The following MAML2 variants were observed in gnomAD, a reference collection of about 807,000 sequenced individuals.
MAML2 encodes mastermind-like protein 2.
Under a neutral mutation model 96.1 loss-of-function variants are expected in MAML2, and 22 were observed. That is an observed-to-expected ratio of 0.23 (90% CI 0.16 to 0.33). The LOEUF (loss-of-function observed/expected upper bound fraction) is 0.33, where lower values mean the gene tolerates loss of function less well. Among genes scored for constraint, MAML2 ranks in the 10% least tolerant of loss-of-function variants. The pLI is 1.00. For synonymous variants in MAML2, 561 were observed against 521.3 expected (o/e 1.08, Z -1.04); for missense variants, 1,367 against 1,392.4 (o/e 0.98, Z 0.29).
At chr11:96,171,783 A>G (rs951411980) in intron 1 of MAML2, among the ~76,000 whole-genome samples, 5 of 152,256 alleles carry the variant, frequency 3.3e-5, no homozygotes, top group African/African-American at 1.2e-4. Flanking sequence ...GCAACCCAGG[A>G]AGCAAGCAAG....
In MAML2 at chr11:96,152,078, C is replaced by G. The variant is rs187559903; in HGVS notation, c.514-58561G>C. 3.2e-3 allele frequency among the ~76,000 whole-genome samples: 481 copies of G among 152,154 alleles called. 2 individuals are homozygous for G. Among genetic ancestry groups the G allele is most frequent in the Middle Eastern group, 0.01 (3 of 294 alleles). On this transcript the variant is annotated intron_variant, in intron 1 of 4. Coordinates refer to ENST00000524717, the MANE Select transcript of MAML2 (RefSeq NM_032427.4). ...TCTCTACTATTAATAAAAATATTAGCCAGATATGGTGGTGTGCACCTATAG... is the reference window on the plus strand; with the variant it reads ...TCTCTACTATTAATAAAAATATTAGGCAGATATGGTGGTGTGCACCTATAG...
chr11:96,256,488 A>G (rs941632818), intron 1 of MAML2, among the ~76,000 whole-genome samples: 4 of 152,196 alleles, frequency 2.6e-5, no homozygotes, highest in Non-Finnish European at 4.4e-5. Context: ...CTCAGCTTAA[A>G]TACTGAGATA....
chr11:95,989,353 C>G (rs1270991402), intron 3 of MAML2, among the ~76,000 whole-genome samples: 1 of 152,238 alleles, frequency 6.6e-6, no homozygotes, highest in Non-Finnish European at 1.5e-5. Flanking sequence ...ACAGCAGCCT[C>G]ATTCTCATTC....
intron 1 of MAML2, among the ~76,000 whole-genome samples, chr11:96,323,483 G>GAAAA (rs57745850): frequency 0.011 from 1,582 of 144,716 alleles, 23 homozygotes; most frequent in African/African-American, 0.038. Flanking sequence ...ACAAAATGCT[G>GAAAA]AAAAAAAAAA....
chr11:96,123,219 C>T (rs1860380045), intron 1 of MAML2, among the ~76,000 whole-genome samples: 1 of 152,174 alleles, frequency 6.6e-6, no homozygotes, highest in Admixed American at 6.5e-5. Context: ...CTAAGCAGCC[C>T]CGTAAAGGCA....
intron 1 of MAML2, among the ~76,000 whole-genome samples, chr11:96,263,789 T>A (rs1210962212): frequency 6.6e-6 from 1 of 152,210 alleles, no homozygotes; most frequent in Non-Finnish European, 1.5e-5. Flanking sequence ...GTGGTTGGTA[T>A]CATTAAAAGA....
rs1338956569 is a variant in MAML2, at chr11:96,342,629, A to G, written c.-734T>C. The stretch of plus-strand genomic sequence containing the variant: ...GATGTTGTCTTCTCCCAAAAGAGGG[A>G]GACAGCTTTTCAACTGTTAACAATG... On this transcript the variant is annotated 5_prime_UTR_variant, in exon 1 of 5. Coordinates refer to ENST00000524717, the MANE Select transcript of MAML2 (RefSeq NM_032427.4). 5.1e-6 allele frequency: 2 copies of G among 388,934 alleles called. No homozygotes were observed. Among genetic ancestry groups the G allele is most frequent in the African/African-American group, 4.1e-5 (2 of 48,392 alleles). The allele number at this position is 388,934 out of a possible 1,614,324, so 24.1% of individuals were successfully genotyped here. A position where few individuals can be genotyped will look rare whatever the true frequency, so the allele number is the denominator to read the frequency against.
At chr11:96,121,417 G>T (rs377099088) in intron 1 of MAML2, among the ~76,000 whole-genome samples, 1 of 152,174 alleles carries the variant, frequency 6.6e-6, no homozygotes, top group South Asian at 2.1e-4. Flanking sequence ...AGGAAGGAAA[G>T]AATTGGATTT....
chr11:95,991,326 C>T (rs1389378010), intron 3 of MAML2, among the ~76,000 whole-genome samples, 194 bp downstream of exon 3: 1 of 131,698 alleles, frequency 7.6e-6, no homozygotes, highest in Non-Finnish European at 1.6e-5. Context: ...TCCAAGTGTC[C>T]AGCAGTTGTT....
Position 96,068,439 on chromosome 11 carries a change from C to CACACACACACACACACACAT in MAML2, c.2139+23452_2139+23453insATGTGTGTGTGTGTGTGTGT, listed in dbSNP as rs1859279534. On this transcript the variant is annotated intron_variant, in intron 2 of 4. Transcript: ENST00000524717. ...TAGAATTTCCTGGGGGAGCTTACTT[C>CACACACACACACACACACAT]ACACACACACACACACACACACACA... Among the ~76,000 whole-genome samples the CACACACACACACACACACAT allele has an allele frequency of 2.1e-3, 3 of 1,420 alleles. No individual in the cohort carries two copies. In the South Asian group the frequency reaches 0.06, roughly 28 times the overall value. 0.9% of individuals were successfully genotyped at this position (1,420 alleles called of 152,430 possible). A position where few individuals can be genotyped will look rare whatever the true frequency, so the allele number is the denominator to read the frequency against.
intron 2 of MAML2, among the ~76,000 whole-genome samples, chr11:96,016,981 G>A (rs1858363708): frequency 6.6e-6 from 1 of 152,108 alleles, no homozygotes; most frequent in Non-Finnish European, 1.5e-5. Flanking sequence ...AAATTTCTGA[G>A]AATAATACTG....
chr11:96,342,081 G>A lies in MAML2; in HGVS notation c.-186C>T. 1.7e-6 allele frequency: 1 copy of A among 583,934 alleles called. No homozygotes were observed. The highest frequency in any genetic ancestry group is 3.0e-6 in the Non-Finnish European group (1 of 337,628). 36.2% of individuals were successfully genotyped at this position (583,934 alleles called of 1,614,324 possible). A position where few individuals can be genotyped will look rare whatever the true frequency, so the allele number is the denominator to read the frequency against. Reference sequence around the variant, plus strand: ...GGGGAGGGGAGTTAGTAAAAAGAGGGTGGGGAGAAAGAATAGAAACCAACT... The same window carrying A: ...GGGGAGGGGAGTTAGTAAAAAGAGGATGGGGAGAAAGAATAGAAACCAACT... On this transcript the variant is annotated 5_prime_UTR_variant, in exon 1 of 5. Transcript: ENST00000524717.
chr11:96,018,793 T>C (rs1469842189), intron 2 of MAML2, among the ~76,000 whole-genome samples: 3 of 152,304 alleles, frequency 2.0e-5, no homozygotes, highest in Admixed American at 6.5e-5. Context: ...TTCACCATGT[T>C]GGCCAGCCTG....
chr11:96,131,089 C>G (rs7115104), intron 1 of MAML2, among the ~76,000 whole-genome samples: 137,331 of 152,110 alleles, frequency 0.9, 62,194 homozygotes, highest in East Asian at 1. Flanking sequence ...AAAATAAACA[C>G]TATTTAAGAT....
chr11:96,288,761 A>T (rs963704001), intron 1 of MAML2, among the ~76,000 whole-genome samples: 1 of 152,206 alleles, frequency 6.6e-6, no homozygotes, highest in African/African-American at 2.4e-5. Flanking sequence ...ATTTAAATTA[A>T]TTTTAATTAT....
Position 96,137,425 on chromosome 11 carries a change from G to C in MAML2, c.514-43908C>G, listed in dbSNP as rs1860653323. ...TCTGACTAGTTTAGAAAAATCTTTA[G>C]GGAAAACCCAATTCCTTTGTCTCTT... On this transcript the variant is annotated intron_variant, in intron 1 of 4. Transcript: ENST00000524717. Among the ~76,000 whole-genome samples the C allele has an allele frequency of 5.3e-5, 8 of 152,152 alleles. 1 individual carries two copies. Among genetic ancestry groups the C allele is most frequent in the Admixed American group, 5.2e-4 (8 of 15,270 alleles).
intron 1 of MAML2, among the ~76,000 whole-genome samples, chr11:96,095,872 C>T (rs1565213562): frequency 6.6e-6 from 1 of 152,120 alleles, no homozygotes; most frequent in Non-Finnish European, 1.5e-5. Flanking sequence ...TGTGAAGCTT[C>T]CCCTCTCCCC....
chr11:96,063,697 G>A (rs1859202919), intron 2 of MAML2, among the ~76,000 whole-genome samples: 1 of 152,104 alleles, frequency 6.6e-6, no homozygotes, highest in African/African-American at 2.4e-5. Flanking sequence ...TTACTCCAAA[G>A]CCTATGGCTT....
At chr11:96,228,360 G>A (rs923485246) in intron 1 of MAML2, among the ~76,000 whole-genome samples, 1 of 152,100 alleles carries the variant, frequency 6.6e-6, no homozygotes, top group East Asian at 1.9e-4. Flanking sequence ...TCTCCTTCAT[G>A]CTAGCACCCA....
Sources: gnomAD v4.1 joint callset for allele counts (sites outside exome capture counted in the v4.1 genomes callset) on GRCh38, gnomAD v4.1.1 for gene constraint, MANE v1.5 for transcripts, NCBI Gene and HGNC (gene_info 2026-07-23, HGNC 2026-07-21) for gene names.